The following PHLPP1 variants were observed in gnomAD, a reference collection of about 807,000 sequenced individuals.
PHLPP1 encodes PH domain and leucine rich repeat protein phosphatase 1.
A neutral mutation model predicts 117.2 loss-of-function variants in PHLPP1; 42 were observed. That is an observed-to-expected ratio of 0.36 (90% CI 0.28 to 0.46). The LOEUF (loss-of-function observed/expected upper bound fraction) is 0.46. Ranked by LOEUF, PHLPP1 falls within the 20% of genes least tolerant of loss-of-function variation. The pLI is 1.00. For missense variants in PHLPP1, 2,084 were observed against 2,241.9 expected, an observed-to-expected ratio of 0.93 and a Z score of 1.42; for synonymous variants, 1,042 against 970.7, an observed-to-expected ratio of 1.07 and a Z score of -1.37.
chr18:62,756,552 C>T (rs1912025656), intron 1 of PHLPP1, among the ~76,000 whole-genome samples: 1 of 152,182 alleles, frequency 6.6e-6, no homozygotes, highest in African/African-American at 2.4e-5. Context: ...AGTTTTTTCT[C>T]TCTGAGCTCT....
intron 3 of PHLPP1, among the ~76,000 whole-genome samples, chr18:62,853,142 G>A (rs1012968563): frequency 1.3e-5 from 2 of 152,036 alleles, no homozygotes; most frequent in African/African-American, 4.8e-5. Flanking sequence ...TTTTTATAGT[G>A]CAGTGTTCTT....
At chr18:62,897,534 T>C (rs1916593322) in intron 6 of PHLPP1, among the ~76,000 whole-genome samples, 1 of 152,120 alleles carries the variant, frequency 6.6e-6, no homozygotes, top group Admixed American at 6.5e-5. Flanking sequence ...AGAGATAGAG[T>C]ATCTGTCTGT....
chr18:62,814,182 A>G (rs576534198), intron 1 of PHLPP1, among the ~76,000 whole-genome samples: 1 of 152,342 alleles, frequency 6.6e-6, no homozygotes, highest in Non-Finnish European at 1.5e-5. Flanking sequence ...ATCAAATTGA[A>G]TAGCTGTCAG....
At chr18:62,793,718 A>G (rs999043247) in intron 1 of PHLPP1, among the ~76,000 whole-genome samples, 12 of 152,322 alleles carry the variant, frequency 7.9e-5, no homozygotes, top group African/African-American at 2.2e-4. Context: ...AACTTGCCCA[A>G]ATTCACACAC....
At chr18:62,860,366 A>T in intron 3 of PHLPP1, 69 bp from the exon 4 acceptor site, 3 of 1,296,088 alleles carry the variant, frequency 2.3e-6, no homozygotes, top group Non-Finnish European at 3.3e-6. Context: ...GGATTATCTT[A>T]TTTCTATCCA....
At chr18:62,912,621 T>C (rs890210906) in intron 8 of PHLPP1, among the ~76,000 whole-genome samples, 2 of 152,112 alleles carry the variant, frequency 1.3e-5, no homozygotes, top group Non-Finnish European at 2.9e-5. Flanking sequence ...ACAGTTCTTT[T>C]CTTTTTTTGT....
chr18:62,979,439 G>A lies in PHLPP1; in HGVS notation c.*8G>A, dbSNP rs1030815447. On this transcript the variant is annotated 3_prime_UTR_variant, in exon 17 of 17. Coordinates refer to ENST00000262719, the MANE Select transcript of PHLPP1 (RefSeq NM_194449.4). ...TACGACACGCCACTATGACCCAGCC[G>A]AGCTGTTTAACAAATAAACTAACCA... 37 of 1,549,020 alleles carry A rather than the reference G, an allele frequency of 2.4e-5. No individual in the cohort carries two copies. Among genetic ancestry groups the A allele is most frequent in the East Asian group, 2.0e-4 (8 of 40,892 alleles).
chr18:62,792,057 T>G (rs572805444), intron 1 of PHLPP1, among the ~76,000 whole-genome samples: 1 of 152,326 alleles, frequency 6.6e-6, no homozygotes, highest in East Asian at 1.9e-4. Context: ...TTTGTTATTA[T>G]AAATGTAAGC....
rs1911637122 is a variant in PHLPP1 at position 62,745,050 on chromosome 18, AC to A, written c.1576+27793del. On this transcript the variant is annotated intron_variant, in intron 1 of 16. Coordinates refer to ENST00000262719, the MANE Select transcript of PHLPP1 (RefSeq NM_194449.4). ...TGGTGTAATTTTGTAATGTTTTAAAACCTGGCATTTGGATATCATTTAAAAA... is the reference window on the plus strand; with the variant it reads ...TGGTGTAATTTTGTAATGTTTTAAAACTGGCATTTGGATATCATTTAAAAA... Among the ~76,000 whole-genome samples, 8 of 152,254 alleles carry A rather than the reference AC, an allele frequency of 5.3e-5. No homozygotes were observed. In the South Asian group the frequency reaches 1.7e-3, roughly 32 times the overall value.
At chr18:62,973,644 C>G (rs1288156593) in intron 15 of PHLPP1, among the ~76,000 whole-genome samples, 1 of 152,208 alleles carries the variant, frequency 6.6e-6, no homozygotes, top group Non-Finnish European at 1.5e-5. Context: ...TGGTTCCTCT[C>G]AGAGAGCTTG....
At chr18:62,810,295 T>TA (rs1914072700) in intron 1 of PHLPP1, among the ~76,000 whole-genome samples, 1 of 152,230 alleles carries the variant, frequency 6.6e-6, no homozygotes, top group African/African-American at 2.4e-5. Context: ...CATATTTCCC[T>TA]AGCAATCTAT....
At chr18:62,963,802 C>T (rs1281079354) in intron 14 of PHLPP1, among the ~76,000 whole-genome samples, 1 of 152,176 alleles carries the variant, frequency 6.6e-6, no homozygotes, top group Non-Finnish European at 1.5e-5. Flanking sequence ...CTTTATCTTC[C>T]TCTGACGCTT....
Position 62,716,489 on chromosome 18 carries a change from C to G in PHLPP1, c.806C>G (p.Pro269Arg). The G allele has an allele frequency of 8.2e-7, 1 of 1,213,886 alleles. No individual in the cohort carries two copies. Among genetic ancestry groups the G allele is most frequent in the Admixed American group, 4.4e-5 (1 of 22,778 alleles). The allele number at this position is 1,213,886 out of a possible 1,614,324, so 75.2% of individuals were successfully genotyped here. Residue 269 changes from proline to arginine, a missense_variant, in exon 1 of 17, where the codon CCC (proline) becomes CGC (arginine). Around this residue, in one of 2 missense-constraint regions of PHLPP1, gnomAD observed 719 missense variants for 636.0 expected, o/e 1.13. Transcript: ENST00000262719. This position sits in a 1 kb window ranked among gnomAD's most constrained non-coding sequence, Gnocchi z 5.7. ...EPAEPPPEAG[P>R]RLAPPEPRDS... ...GCTGAACCGCCCCCCGAGGCCGGCC[C>G]CCGGCTGGCGCCCCCGGAGCCGCGG... is the stretch of plus-strand genomic sequence containing the variant.
intron 4 of PHLPP1, among the ~76,000 whole-genome samples, chr18:62,874,982 T>C (rs1916011483): frequency 6.6e-6 from 1 of 152,170 alleles, no homozygotes; most frequent in Non-Finnish European, 1.5e-5. Flanking sequence ...TGAGACGGAG[T>C]CTCGCTCTGC....
Position 62,900,433 on chromosome 18 carries a change from C to CTTTTTTTTTTTTTTTTTTTTT in PHLPP1, c.2445-2523_2445-2503dup, listed in dbSNP as rs774225759. ...GTATTCTTGTTTTTTCTTTTTCTTT[C>CTTTTTTTTTTTTTTTTTTTTT]TTTTTTTTTTTTTTTTTTTTTTTTT... On this transcript the variant is annotated intron_variant, in intron 6 of 16. Transcript: ENST00000262719. Among the ~76,000 whole-genome samples the CTTTTTTTTTTTTTTTTTTTTT allele has an allele frequency of 3.1e-4, 17 of 54,258 alleles. 6 individuals are homozygous for CTTTTTTTTTTTTTTTTTTTTT. The highest frequency in any genetic ancestry group is 4.9e-4 in the African/African-American group (6 of 12,284). The allele number at this position is 54,258 out of a possible 152,430, so 35.6% of individuals were successfully genotyped here.
intron 1 of PHLPP1, among the ~76,000 whole-genome samples, chr18:62,726,338 G>T (rs1383690737): frequency 6.6e-6 from 1 of 151,504 alleles, no homozygotes; most frequent in East Asian, 1.9e-4. Context: ...TTTTTGGGGG[G>T]GTTGGATGTT....
intron 12 of PHLPP1, among the ~76,000 whole-genome samples, chr18:62,957,182 C>T (rs1413178513): frequency 2.6e-5 from 4 of 152,216 alleles, no homozygotes; most frequent in African/African-American, 9.7e-5. Flanking sequence ...GCGCTGACCA[C>T]TCCGTTTCTC....
At chr18:62,789,186 C>T (rs987977306) in intron 1 of PHLPP1, among the ~76,000 whole-genome samples, 6 of 151,910 alleles carry the variant, frequency 3.9e-5, no homozygotes, top group African/African-American at 1.2e-4. Flanking sequence ...TGAACTATGC[C>T]GGGTGATTTC....
intron 3 of PHLPP1, among the ~76,000 whole-genome samples, chr18:62,842,270 CAG>C (rs1915073547): frequency 6.6e-6 from 1 of 152,120 alleles, no homozygotes; most frequent in African/African-American, 2.4e-5. Flanking sequence ...ACAACCATGG[CAG>C]CCTTTTGGGG....
Sources: allele counts gnomAD v4.1 joint callset (sites outside exome capture counted in the v4.1 genomes callset), GRCh38; gene constraint gnomAD v4.1.1; regional missense constraint gnomAD v4.1.1; non-coding constraint Gnocchi (gnomAD v3.1); transcripts MANE v1.5; gene names NCBI Gene and HGNC (gene_info 2026-07-23, HGNC 2026-07-21).